Variants in SMCHD1 observed in about 807,000 individuals in gnomAD.
SMCHD1 encodes structural maintenance of chromosomes flexible hinge domain-containing protein 1.
SMCHD1 carries 78 observed loss-of-function variants against 254.7 expected under a neutral mutation model. That is an observed-to-expected ratio of 0.31 (90% CI 0.26 to 0.37). SMCHD1 has a LOEUF of 0.37. Among genes scored for constraint, SMCHD1 ranks in the 10% least tolerant of loss-of-function variants. The pLI, the probability that SMCHD1 is intolerant of heterozygous loss-of-function variation, is 1.00. For synonymous variants in SMCHD1, 766 were observed against 794.9 expected (o/e 0.96, Z 0.61); for missense variants, 1,840 against 2,408.1 (o/e 0.76, Z 4.94).
intron 28 of SMCHD1, among the ~76,000 whole-genome samples, chr18:2,742,495 A>G (rs1220777080): frequency 6.6e-6 from 1 of 152,234 alleles, no homozygotes; most frequent in Non-Finnish European, 1.5e-5. Flanking sequence ...GAACTTCAGT[A>G]CATTTTACTA....
chr18:2,732,510 A>C lies in SMCHD1; in HGVS notation c.3276+18A>C. 6.7e-7 allele frequency: 1 copy of C among 1,486,466 alleles called. No individual in the cohort carries two copies. The highest frequency in any genetic ancestry group is 9.2e-7 in the Non-Finnish European group (1 of 1,086,128). 92.1% of individuals were successfully genotyped at this position (1,486,466 alleles called of 1,614,324 possible). A position where few individuals can be genotyped will look rare whatever the true frequency, so the allele number is the denominator to read the frequency against. On this transcript the variant is annotated intron_variant, in intron 25 of 47. Coordinates refer to ENST00000320876, the MANE Select transcript of SMCHD1 (RefSeq NM_015295.3). Reference sequence around the variant, plus strand: ...AAATTAAAGTAAGTATCTCTAACAGATTGGTTATTTGTAAGAACTTTTTAA... The same window carrying C: ...AAATTAAAGTAAGTATCTCTAACAGCTTGGTTATTTGTAAGAACTTTTTAA...
At chr18:2,766,915 T>C (rs2075878355) in intron 37 of SMCHD1, among the ~76,000 whole-genome samples, 1 of 152,124 alleles carries the variant, frequency 6.6e-6, no homozygotes, top group Admixed American at 6.5e-5. Context: ...AGATAGGAGA[T>C]TCCTCTTCAA....
intron 37 of SMCHD1, chr18:2,763,992 G>T: frequency 2.1e-6 from 1 of 470,284 alleles, no homozygotes; most frequent in Non-Finnish European, 3.7e-6. Flanking sequence ...TTTTTCCTAT[G>T]GGATAACAGC....
At chr18:2,762,039 T>C in intron 35 of SMCHD1, 66 bp from the exon 36 acceptor site, 1 of 1,359,398 alleles carries the variant, frequency 7.4e-7, no homozygotes, top group South Asian at 1.4e-5. Context: ...TGTTATGTCT[T>C]CCCTTCCTCT....
rs1487639735 is a variant in SMCHD1 at position 2,803,893 on chromosome 18, C to T, written c.*1341C>T. ...TTAAATTATTATTTTGGAATATTTG[C>T]ATTATATTTACCAATTTAGCATCCC... On this transcript the variant is annotated 3_prime_UTR_variant, in exon 48 of 48. Coordinates refer to ENST00000320876, the MANE Select transcript of SMCHD1 (RefSeq NM_015295.3). 6.6e-6 allele frequency: 1 copy of T among 152,046 alleles called. No homozygotes were observed. The highest frequency in any genetic ancestry group is 1.5e-5 in the Non-Finnish European group (1 of 68,000). 9.4% of individuals were successfully genotyped at this position (152,046 alleles called of 1,614,324 possible).
intron 2 of SMCHD1, 88 bp from the exon 3 acceptor site, chr18:2,666,782 C>G: frequency 9.3e-7 from 1 of 1,072,346 alleles, no homozygotes; most frequent in Non-Finnish European, 1.3e-6. Context: ...AAAGATATTT[C>G]ATAGATAGAA....
chr18:2,691,242 T>C (rs2074172602), intron 7 of SMCHD1, among the ~76,000 whole-genome samples: 1 of 152,154 alleles, frequency 6.6e-6, no homozygotes, highest in Admixed American at 6.5e-5. Flanking sequence ...ATTTAGGTGG[T>C]TTTCAAAACT....
At chr18:2,784,874 G>T in intron 45 of SMCHD1, 1 of 506,514 alleles carries the variant, frequency 2.0e-6, no homozygotes, top group South Asian at 1.5e-5. Context: ...CTACTCAGGA[G>T]GCTAAGACAA....
intron 5 of SMCHD1, among the ~76,000 whole-genome samples, chr18:2,684,046 A>G (rs1260257584): frequency 1.3e-5 from 2 of 152,112 alleles, no homozygotes; most frequent in African/African-American, 4.8e-5. Context: ...CAGATTTTGT[A>G]TTTTTGAATT....
At chr18:2,689,071 A>G (rs897483972) in intron 7 of SMCHD1, among the ~76,000 whole-genome samples, 2 of 152,164 alleles carry the variant, frequency 1.3e-5, no homozygotes, top group African/African-American at 4.8e-5. Context: ...CTCTAGAGAA[A>G]TAAATGAGAG....
At position 2,694,536 on chromosome 18, in the gene SMCHD1, T is replaced by C. The variant is rs1307410341; in HGVS notation, c.883T>C (p.Ser295Pro). 2 of 1,584,372 alleles carry C rather than the reference T, an allele frequency of 1.3e-6. No individual in the cohort carries two copies. Among genetic ancestry groups the C allele is most frequent in the Non-Finnish European group, 8.6e-7 (1 of 1,162,642 alleles). Residue 295 changes from serine (S) to proline (P), a missense_variant, in exon 8 of 48, where the codon TCT becomes CCT. By Grantham distance (74) the Ser-to-Pro change is moderately conservative. Transcript: ENST00000320876. ...GYIRNRKPSD[S>P]VHITNDDERF... ...CTGTTCACTCTTGTAGCCCTCTGAT[T>C]CTGTTCACATTACAAATGATGATGA...
At chr18:2,687,700 G>A (rs181836605) in intron 5 of SMCHD1, among the ~76,000 whole-genome samples, 1 of 152,198 alleles carries the variant, frequency 6.6e-6, no homozygotes, top group Admixed American at 6.5e-5. Context: ...GGTCATTTAT[G>A]TCTTTTAACG....
rs142426431 is a variant in SMCHD1 at position 2,660,788 on chromosome 18, G to A, written c.186+4527G>A. Among the ~76,000 whole-genome samples, 20 of 151,968 alleles carry A rather than the reference G, an allele frequency of 1.3e-4. No homozygotes were observed. The East Asian group carries it at 3.7e-3, about 28-fold the overall frequency. ...CCACCATGCCCCCTGGAAAATCCATGGATATTTAATATGGATGAAAAATCC... is the reference window on the plus strand; with the variant it reads ...CCACCATGCCCCCTGGAAAATCCATAGATATTTAATATGGATGAAAAATCC... On this transcript the variant is annotated intron_variant, in intron 1 of 47. Transcript: ENST00000320876.
intron 45 of SMCHD1, among the ~76,000 whole-genome samples, chr18:2,785,621 C>T (rs967656554): frequency 2.3e-5 from 3 of 133,102 alleles, no homozygotes; most frequent in Non-Finnish European, 4.6e-5. Flanking sequence ...CACTGCACTC[C>T]AGCCTGGGCA....
chr18:2,757,854 GTTA>G, intron 34 of SMCHD1, among the ~76,000 whole-genome samples: 1 of 152,078 alleles, frequency 6.6e-6, no homozygotes, highest in East Asian at 1.9e-4. Context: ...TTGAGGCTTT[GTTA>G]TTAGGTACAT....
chr18:2,790,373 A>G (rs552415166), intron 45 of SMCHD1, among the ~76,000 whole-genome samples: 1 of 152,324 alleles, frequency 6.6e-6, no homozygotes, highest in African/African-American at 2.4e-5. Context: ...TAGCTTTATT[A>G]CAGTATATTT....
intron 36 of SMCHD1, among the ~76,000 whole-genome samples, chr18:2,763,225 C>T (rs1280176857): frequency 2.0e-5 from 3 of 152,112 alleles, no homozygotes; most frequent in South Asian, 2.1e-4. Flanking sequence ...ATATAAGCAC[C>T]GAACATTGTG....
In SMCHD1 at chr18:2,743,762, A is replaced by C. The variant is rs1415446634; in HGVS notation, c.3635A>C (p.Glu1212Ala). Residue 1212 changes from glutamate to alanine, a missense_variant and splice_region_variant, in exon 29 of 48, where the codon GAA becomes GCA. By Grantham distance (107) the Glu-to-Ala change is moderately radical. This residue lies in a region of SMCHD1 where 881 missense variants were observed against 1,009.5 expected (regional missense o/e 0.87). Coordinates refer to ENST00000320876, the MANE Select transcript of SMCHD1 (RefSeq NM_015295.3). ...DSSNLKTTFQ[E>A]NTQSISVRGI... ...TCTCAATGTACTTTTCCTCACTAGGAAAACACACAGAGTATAAGTGTAAGA... is the reference window on the plus strand; with the variant it reads ...TCTCAATGTACTTTTCCTCACTAGGCAAACACACAGAGTATAAGTGTAAGA... 1.9e-6 allele frequency: 3 copies of C among 1,592,660 alleles called. No individual in the cohort carries two copies. The African/African-American group carries it at 4.1e-5, about 22-fold the overall frequency.
At chr18:2,696,558 G>T (rs962843757) in intron 8 of SMCHD1, among the ~76,000 whole-genome samples, 1 of 152,138 alleles carries the variant, frequency 6.6e-6, no homozygotes, top group Non-Finnish European at 1.5e-5. Context: ...ACTGGTTTTG[G>T]TGCCAAAAAG....
Sources: gnomAD v4.1 joint callset for allele counts (sites outside exome capture counted in the v4.1 genomes callset) on GRCh38, gnomAD v4.1.1 for gene constraint, gnomAD v4.1.1 regional missense constraint, MANE v1.5 for transcripts, NCBI Gene and HGNC (gene_info 2026-07-23, HGNC 2026-07-21) for gene names.